The following UGT1A10 variants were observed in gnomAD, a reference collection of about 807,000 sequenced individuals.
UGT1A10 encodes UDP-glucuronosyltransferase 1A10.
UGT1A10 carries 49 observed loss-of-function variants against 45.8 expected under a neutral mutation model. The observed-to-expected ratio is 1.07, with a 90% CI of 0.85 to 1.36. The LOEUF is 1.36. Ranked by LOEUF, UGT1A10 falls within the 40% of genes most tolerant of loss-of-function variation. The pLI is 0.00. For missense variants in UGT1A10, 745 were observed against 668.6 expected, an observed-to-expected ratio of 1.11 and a Z score of -1.26; for synonymous variants, 284 against 249.7, an observed-to-expected ratio of 1.14 and a Z score of -1.29.
At chr2:233,743,509 G>C (rs199947040) in intron 1 of UGT1A10, 86 of 1,367,152 alleles carry the variant, frequency 6.3e-5, no homozygotes, top group East Asian at 2.3e-4. Context: ...GGGTGCAGAC[G>C]CTCTGCTTCT....
At chr2:233,677,473 A>G (rs1221451361) in intron 1 of UGT1A10, among the ~76,000 whole-genome samples, 8 of 152,202 alleles carry the variant, frequency 5.3e-5, no homozygotes, top group Non-Finnish European at 1.5e-5. Flanking sequence ...TAAACAGTCA[A>G]TTAACACATA....
rs556800643 is a variant in UGT1A10 at position 233,745,736 on chromosome 2, G to A, written c.856-21298G>A. 8.6e-5 allele frequency among the ~76,000 whole-genome samples: 13 copies of A among 150,680 alleles called. No individual in the cohort carries two copies. The South Asian group carries it at 2.5e-3, about 29-fold the overall frequency. ...GAATGGCTGGAGGGTAAGAGGCAGA[G>A]GGAGGGGGCAAGCAGAAGGGGTGGA... On this transcript the variant is annotated intron_variant, in intron 1 of 4. Coordinates refer to ENST00000344644, the MANE Select transcript of UGT1A10 (RefSeq NM_019075.4).
chr2:233,757,558 A>ATG lies in UGT1A10; in HGVS notation c.856-9475_856-9474insGT, dbSNP rs896198958. On this transcript the variant is annotated intron_variant, in intron 1 of 4. Coordinates refer to ENST00000344644, the MANE Select transcript of UGT1A10 (RefSeq NM_019075.4). ...GGAATATATATATATATATATATAT[A>ATG]TATGTATATATGATATAGCTATAGT... is the stretch of plus-strand genomic sequence containing the variant. Among the ~76,000 whole-genome samples, 13 of 124,446 alleles carry ATG rather than the reference A, an allele frequency of 1.0e-4. 1 individual carries two copies. The highest frequency in any genetic ancestry group is 1.7e-4 in the Non-Finnish European group (10 of 60,604). 81.6% of individuals were successfully genotyped at this position (124,446 alleles called of 152,430 possible).
At chr2:233,766,924 A>T (rs985684086) in intron 1 of UGT1A10, 110 bp from the exon 2 acceptor site, 2 of 1,565,450 alleles carry the variant, frequency 1.3e-6, no homozygotes, top group East Asian at 4.5e-5. Context: ...TCAAACACGC[A>T]TGCCTTTAAT....
chr2:233,660,852 C>A (rs1430890231), intron 1 of UGT1A10, among the ~76,000 whole-genome samples: 1 of 152,116 alleles, frequency 6.6e-6, no homozygotes, highest in Non-Finnish European at 1.5e-5. Flanking sequence ...CACCTGCTAC[C>A]TCTTGTTTGG....
At chr2:233,657,515 G>C (rs1322554358) in intron 1 of UGT1A10, among the ~76,000 whole-genome samples, 1 of 152,188 alleles carries the variant, frequency 6.6e-6, no homozygotes, top group Non-Finnish European at 1.5e-5. Flanking sequence ...CAATAGGACA[G>C]GAACTCACCC....
intron 4 of UGT1A10, among the ~76,000 whole-genome samples, chr2:233,768,709 T>G (rs1699703660): frequency 6.6e-6 from 1 of 151,010 alleles, no homozygotes; most frequent in African/African-American, 2.4e-5. Context: ...TCAGCCTCCG[T>G]GTAGCTGGGA....
chr2:233,743,355 G>T, intron 1 of UGT1A10: 1 of 979,806 alleles, frequency 1.0e-6, no homozygotes, highest in South Asian at 1.3e-5. Context: ...ACATGGACTT[G>T]AAGCTGCCTG....
At chr2:233,644,767 A>C (rs2073555344) in intron 1 of UGT1A10, among the ~76,000 whole-genome samples, 1 of 152,058 alleles carries the variant, frequency 6.6e-6, no homozygotes, top group Non-Finnish European at 1.5e-5. Context: ...TAGGAGATGC[A>C]GAACTTTTTT....
chr2:233,762,209 C>T (rs914722298), intron 1 of UGT1A10, among the ~76,000 whole-genome samples: 1 of 152,104 alleles, frequency 6.6e-6, no homozygotes, highest in Non-Finnish European at 1.5e-5. Flanking sequence ...ATGTATTTGG[C>T]GCCCCATAAA....
intron 1 of UGT1A10, among the ~76,000 whole-genome samples, chr2:233,681,000 G>A (rs959900572): frequency 1.3e-5 from 2 of 151,994 alleles, no homozygotes; most frequent in African/African-American, 4.8e-5. Flanking sequence ...TCTCATTACA[G>A]CATTTCAGAG....
intron 1 of UGT1A10, among the ~76,000 whole-genome samples, chr2:233,689,693 C>A (rs2074954055): frequency 6.6e-6 from 1 of 152,166 alleles, no homozygotes; most frequent in Non-Finnish European, 1.5e-5. Context: ...AGAGTTCAGT[C>A]GTTATTTCCC....
intron 1 of UGT1A10, chr2:233,713,460 T>C: frequency 2.5e-6 from 4 of 1,614,160 alleles, no homozygotes; most frequent in Non-Finnish European, 3.4e-6. Flanking sequence ...CTTTCACCTC[T>C]GCGCGGCGGT....
At position 233,652,745 on chromosome 2, in the gene UGT1A10, C is replaced by T. The variant is rs192733559; in HGVS notation, c.855+15368C>T. On this transcript the variant is annotated intron_variant, in intron 1 of 4. Coordinates refer to ENST00000344644, the MANE Select transcript of UGT1A10 (RefSeq NM_019075.4). ...AAAGAATAATCTCTTCAACAGAGGT[C>T]GCTGAGACAGCTGCATATCCACATG... Among the ~76,000 whole-genome samples, 58 of 152,278 alleles carry T rather than the reference C, an allele frequency of 3.8e-4. 1 individual carries two copies. The highest frequency in any genetic ancestry group is 1.0e-3 in the Admixed American group (16 of 15,296).
At chr2:233,760,344 G>C (rs897355036) in intron 1 of UGT1A10, 1 of 1,614,032 alleles carries the variant, frequency 6.2e-7, no homozygotes. Context: ...TGCTGTGTGT[G>C]CTGGGCCCAG....
Position 233,719,177 on chromosome 2 carries a change from T to C in UGT1A10, c.856-47857T>C, listed in dbSNP as rs779768748. Reference sequence around the variant, plus strand: ...CTAGAAGTATGGCAATTATGAACAATGTATCTTTGGCCCTTCATAGGTGTT... The same window carrying C: ...CTAGAAGTATGGCAATTATGAACAACGTATCTTTGGCCCTTCATAGGTGTT... On this transcript the variant is annotated intron_variant, in intron 1 of 4. Transcript: ENST00000344644. The C allele has an allele frequency of 1.1e-5, 17 of 1,614,142 alleles. No homozygotes were observed. In the East Asian group the frequency reaches 3.6e-4, roughly 34 times the overall value.
intron 1 of UGT1A10, chr2:233,693,126 G>C: frequency 6.2e-7 from 1 of 1,614,224 alleles, no homozygotes; most frequent in East Asian, 2.2e-5. Flanking sequence ...CACTGGCTTA[G>C]TATGAAGGAT....
chr2:233,648,897 T>C (rs1018086317), intron 1 of UGT1A10: 5 of 1,327,890 alleles, frequency 3.8e-6, no homozygotes, highest in Non-Finnish European at 5.3e-6. Flanking sequence ...TCATGGCATA[T>C]GATCTCTACA....
intron 1 of UGT1A10, among the ~76,000 whole-genome samples, chr2:233,724,823 G>C (rs377063392): frequency 1.5e-5 from 2 of 135,304 alleles, no homozygotes; most frequent in Admixed American, 7.3e-5. Context: ...CTGCAATCTC[G>C]GCACTTTGGG....
Sources: allele counts gnomAD v4.1 joint callset (sites outside exome capture counted in the v4.1 genomes callset), GRCh38; gene constraint gnomAD v4.1.1; transcripts MANE v1.5; gene names NCBI Gene and HGNC (gene_info 2026-07-23, HGNC 2026-07-21).